The following CDH23 variants were observed in gnomAD, a reference collection of about 807,000 sequenced individuals.
CDH23 encodes cadherin related 23.
In CDH23, 189 loss-of-function variants were observed where a neutral mutation model predicts 317.1. That is an observed-to-expected ratio of 0.60 (90% CI 0.53 to 0.67). The LOEUF is 0.67. Ranked by LOEUF, CDH23 falls within the 30% of genes least tolerant of loss-of-function variation. The probability of loss-of-function intolerance (pLI) is 0.00; values close to 1 mark genes in which losing one functional copy is unlikely to be tolerated. For synonymous variants in CDH23, 1,839 were observed against 1,876.8 expected, an observed-to-expected ratio of 0.98 and a Z score of 0.52; for missense variants, 4,401 against 4,592.4, an observed-to-expected ratio of 0.96 and a Z score of 1.20.
At position 71,812,756 on chromosome 10, in the gene CDH23, C is replaced by A; in HGVS notation, c.9511-12C>A. 1.9e-6 allele frequency: 3 copies of A among 1,613,154 alleles called. No individual in the cohort carries two copies. The highest frequency in any genetic ancestry group is 2.5e-6 in the Non-Finnish European group (3 of 1,179,518). On this transcript the variant is annotated splice_polypyrimidine_tract_variant and intron_variant, in intron 67 of 69. Transcript: ENST00000224721. Reference sequence around the variant, plus strand: ...GTCTGCCTCTGCTCCAGCTAACATCCCCTCTCCCCAGGGAACTTTTGGGCG... The same window carrying A: ...GTCTGCCTCTGCTCCAGCTAACATCACCTCTCCCCAGGGAACTTTTGGGCG...
intron 45 of CDH23, among the ~76,000 whole-genome samples, chr10:71,789,352 G>T (rs1841183956): frequency 6.6e-6 from 1 of 152,126 alleles, no homozygotes; most frequent in Non-Finnish European, 1.5e-5. Flanking sequence ...GAGGGGAGTG[G>T]GTCCACCCCT....
chr10:71,460,217 C>T (rs116040974), intron 3 of CDH23, among the ~76,000 whole-genome samples: 2,141 of 152,326 alleles, frequency 0.014, 60 homozygotes, highest in African/African-American at 0.049. Flanking sequence ...AGAGGAGAAA[C>T]TTCCAGCCCA....
In CDH23 at chr10:71,791,185, C is replaced by T; in HGVS notation, c.6103C>T (p.Pro2035Ser). Residue 2035 changes from proline to serine, a missense_variant, in exon 47 of 70, where the codon CCC becomes TCC. Physicochemically the swap from Pro to Ser is moderately conservative, Grantham distance 74. Coordinates refer to ENST00000224721, the MANE Select transcript of CDH23 (RefSeq NM_022124.6). ...VIIDREAFSPPILELLLLAED... is the reference protein window; with the variant it reads ...VIIDREAFSPSILELLLLAED... The stretch of plus-strand genomic sequence containing the variant: ...CATTGACCGGGAGGCATTCTCGCCA[C>T]CCATCCTGGAGCTGCTGCTGCTGGC... 2 of 1,613,240 alleles carry T rather than the reference C, an allele frequency of 1.2e-6. No individual in the cohort carries two copies. The highest frequency in any genetic ancestry group is 1.7e-5 in the Admixed American group (1 of 59,932).
chr10:71,525,336 C>A (rs1325077386), intron 6 of CDH23, among the ~76,000 whole-genome samples: 1 of 152,248 alleles, frequency 6.6e-6, no homozygotes, highest in Admixed American at 6.5e-5. Context: ...AGGAAACTGA[C>A]TCAAGGTGCT....
intron 1 of CDH23, among the ~76,000 whole-genome samples, chr10:71,421,513 C>T (rs1194893926): frequency 6.6e-6 from 1 of 151,922 alleles, no homozygotes; most frequent in Non-Finnish European, 1.5e-5. Context: ...GCAGACAGCC[C>T]TTCATCATGG....
At chr10:71,484,808 T>C (rs1852255071) in intron 3 of CDH23, among the ~76,000 whole-genome samples, 1 of 152,128 alleles carries the variant, frequency 6.6e-6, no homozygotes. Flanking sequence ...CTATTCCTAG[T>C]TTGCTGGGGT....
chr10:71,697,053 G>A (rs1470031954), intron 22 of CDH23, among the ~76,000 whole-genome samples: 2 of 152,238 alleles, frequency 1.3e-5, no homozygotes, highest in African/African-American at 4.8e-5. Context: ...GGATTGAGGG[G>A]CAGGTGAGGA....
rs183220886 is a variant in CDH23, at chr10:71,704,922, C to T, written c.2745C>T (p.Ile915=). 185 of 1,612,368 alleles carry T rather than the reference C, an allele frequency of 1.1e-4. No individual in the cohort carries two copies. The African/African-American group carries it at 2.1e-3, about 18-fold the overall frequency. ...AGVSIYQVVA[I]DLDEGLNGLV... ...CTCCTTGCCCTCAGGTGGTGGCCAT[C>T]GACCTCGATGAGGGCCTGAACGGCC... The change falls in exon 25 of 70, where the codon ATC becomes ATT. Residue 915 remains isoleucine, a synonymous_variant. Transcript: ENST00000224721.
intron 3 of CDH23, among the ~76,000 whole-genome samples, chr10:71,492,195 G>A (rs989596162): frequency 5.3e-5 from 8 of 152,172 alleles, no homozygotes; most frequent in Admixed American, 3.3e-4. Context: ...GCAGCCCCTT[G>A]GCTAAATGGC....
chr10:71,397,185 G>A lies in CDH23; in HGVS notation c.-139G>A. Reference sequence around the variant, plus strand: ...GAGACCCAGGAGCTGCCGGCACGCCGCGGATGAGCCTTCGCGCCGGCGGGA... The same window carrying A: ...GAGACCCAGGAGCTGCCGGCACGCCACGGATGAGCCTTCGCGCCGGCGGGA... On this transcript the variant is annotated 5_prime_UTR_variant, in exon 1 of 70. Transcript: ENST00000224721. The surrounding 1 kb of genome is among the most constrained non-coding windows in gnomAD (Gnocchi z 4.8). The A allele has an allele frequency of 4.2e-6, 1 of 240,398 alleles. No individual in the cohort carries two copies. The allele number at this position is 240,398 out of a possible 1,614,324, so 14.9% of individuals were successfully genotyped here. A position where few individuals can be genotyped will look rare whatever the true frequency, so the allele number is the denominator to read the frequency against.
rs1301648309 is a variant in CDH23, at chr10:71,702,108, C to G, written c.2484C>G (p.Ser828Arg). Residue 828 changes from serine to arginine, a missense_variant, in exon 23 of 70, where the codon AGC becomes AGG. Around this residue, in one of 3 missense-constraint regions of CDH23, gnomAD observed 3,068 missense variants for 3,203.3 expected, o/e 0.96. Coordinates refer to ENST00000224721, the MANE Select transcript of CDH23 (RefSeq NM_022124.6). Reference protein sequence around the residue: ...QPPNKFYSLNSTTGKIRTTHA... With the variant: ...QPPNKFYSLNRTTGKIRTTHA... The stretch of plus-strand genomic sequence containing the variant: ...CCAACAAGTTCTACAGCCTCAACAG[C>G]ACCACGGGCAAGATCCGCACCACCC... 1.2e-6 allele frequency: 2 copies of G among 1,613,884 alleles called. No individual in the cohort carries two copies. The highest frequency in any genetic ancestry group is 1.7e-6 in the Non-Finnish European group (2 of 1,179,894).
rs909720896 is a variant in CDH23 at position 71,805,966 on chromosome 10, G to A, written c.8033G>A (p.Arg2678His). 5 of 1,612,620 alleles carry A rather than the reference G, an allele frequency of 3.1e-6. No individual in the cohort carries two copies. The highest frequency in any genetic ancestry group is 4.2e-6 in the Non-Finnish European group (5 of 1,179,562). Residue 2678 changes from arginine (R) to histidine (H), a missense_variant, in exon 56 of 70, where the codon CGC becomes CAC. Transcript: ENST00000224721. ...PISGLIQTAQRLDRESQAVYS... is the reference protein window; with the variant it reads ...PISGLIQTAQHLDRESQAVYS... ...AGCGGCCTCATCCAGACTGCTCAGC[G>A]CCTGGACCGCGAGTCGCAGGCGGTG...
chr10:71,655,031 A>G (rs1056759306), intron 14 of CDH23, among the ~76,000 whole-genome samples: 16 of 152,328 alleles, frequency 1.1e-4, no homozygotes, highest in South Asian at 4.1e-4. Context: ...TCACTTTTCC[A>G]TACCACTTCT....
intron 28 of CDH23, among the ~76,000 whole-genome samples, 164 bp from the exon 29 acceptor site, chr10:71,723,881 A>T (rs1304457711): frequency 6.6e-6 from 1 of 152,136 alleles, no homozygotes; most frequent in Non-Finnish European, 1.5e-5. Flanking sequence ...GATTAGAAAG[A>T]CATACACGTC....
chr10:71,811,879 C>T, intron 65 of CDH23, 76 bp from the exon 66 acceptor site: 2 of 1,598,290 alleles, frequency 1.3e-6, no homozygotes, highest in African/African-American at 2.7e-5. Flanking sequence ...CGCACCCCAT[C>T]CTCCCTCACC....
At position 71,439,896 on chromosome 10, in the gene CDH23, G is replaced by A. The variant is rs1431027601; in HGVS notation, c.65G>A (p.Trp22Ter). Residue 22 changes from tryptophan (W) to a stop codon, truncating the protein, a stop_gained and splice_region_variant, in exon 2 of 70, where the codon TGG becomes TAG. Coordinates refer to ENST00000224721, the MANE Select transcript of CDH23 (RefSeq NM_022124.6). LOFTEE classifies it high-confidence loss of function. ...AWLLVLISGC[W>*]GQVNRLPFFT... Reference sequence around the variant, plus strand: ...CTTTTGGTGCTGATCTCTGGATGCTGGGGTAAGTCCAGTCCTCCCCGTGTC... The same window carrying A: ...CTTTTGGTGCTGATCTCTGGATGCTAGGGTAAGTCCAGTCCTCCCCGTGTC... The A allele has an allele frequency of 3.8e-6, 6 of 1,571,702 alleles. No individual in the cohort carries two copies. The highest frequency in any genetic ancestry group is 5.2e-6 in the Non-Finnish European group (6 of 1,157,408).
intron 26 of CDH23, 128 bp from the exon 27 acceptor site, chr10:71,708,970 C>T (rs1322668408): frequency 2.8e-5 from 23 of 835,596 alleles, no homozygotes; most frequent in African/African-American, 6.7e-5. Context: ...CAGGCAGGGC[C>T]GAATCAGCAG....
Position 71,761,877 on chromosome 10 carries a change from C to T in CDH23, c.4846-15803C>T, listed in dbSNP as rs776266575. On this transcript the variant is annotated intron_variant, in intron 38 of 69. Coordinates refer to ENST00000224721, the MANE Select transcript of CDH23 (RefSeq NM_022124.6). ...CGCTCTGAGCAGGTCTGCACCTCGC[C>T]CCTCGAGCTGCGGTACCACGTCTTG... is the stretch of plus-strand genomic sequence containing the variant. 1.9e-6 allele frequency: 3 copies of T among 1,614,142 alleles called. No individual in the cohort carries two copies. Among genetic ancestry groups the T allele is most frequent in the Admixed American group, 3.3e-5 (2 of 60,032 alleles).
At chr10:71,796,823 G>A (rs982264859) in intron 48 of CDH23, 38 of 326,624 alleles carry the variant, frequency 1.2e-4, no homozygotes, top group East Asian at 9.1e-4. Context: ...GTTGACAGTC[G>A]GTAGTGTAAT....
Sources: gnomAD v4.1 joint callset for allele counts (sites outside exome capture counted in the v4.1 genomes callset) on GRCh38, gnomAD v4.1.1 for gene constraint, gnomAD v4.1.1 regional missense constraint, Gnocchi (gnomAD v3.1) non-coding constraint, MANE v1.5 for transcripts, NCBI Gene and HGNC (gene_info 2026-07-23, HGNC 2026-07-21) for gene names.